Variants in ACOXL observed in about 807,000 individuals in gnomAD.
ACOXL encodes the protein acyl-coenzyme A oxidase-like protein.
In ACOXL, 70 loss-of-function variants were observed where a neutral mutation model predicts 71.9. The observed-to-expected ratio is 0.97, with a 90% confidence interval of 0.80 to 1.19. ACOXL has a LOEUF of 1.19. Ranked by LOEUF, ACOXL falls within the 50% of genes most tolerant of loss-of-function variation. The pLI is 0.00. For synonymous variants in ACOXL, 253 were observed against 281.6 expected, an observed-to-expected ratio of 0.90 and a Z score of 1.02; for missense variants, 703 against 736.3, an observed-to-expected ratio of 0.95 and a Z score of 0.52.
chr2:110,775,309 G>C (rs555341448), intron 2 of ACOXL, among the ~76,000 whole-genome samples: 1 of 152,106 alleles, frequency 6.6e-6, no homozygotes, highest in South Asian at 2.1e-4. Context: ...GAAAAACGTA[G>C]ATACATTTTT....
intron 12 of ACOXL, among the ~76,000 whole-genome samples, chr2:110,961,883 A>G (rs1241913167): frequency 6.6e-6 from 1 of 152,218 alleles, no homozygotes; most frequent in Non-Finnish European, 1.5e-5. Flanking sequence ...CTTATTCACT[A>G]CCATGAGAGC....
At chr2:111,033,850 T>C (rs1400597969) in intron 15 of ACOXL, among the ~76,000 whole-genome samples, 2 of 152,156 alleles carry the variant, frequency 1.3e-5, no homozygotes, top group African/African-American at 4.8e-5. Context: ...ACCACAGATA[T>C]CGCCCTTCCT....
intron 10 of ACOXL, among the ~76,000 whole-genome samples, chr2:110,892,500 C>T (rs897756411): frequency 3.3e-5 from 5 of 152,148 alleles, no homozygotes; most frequent in African/African-American, 1.2e-4. Flanking sequence ...GGCGCTCAAC[C>T]ACTGGGTCAC....
intron 17 of ACOXL, among the ~76,000 whole-genome samples, chr2:111,113,480 A>T (rs1386590527): frequency 6.6e-6 from 1 of 152,220 alleles, no homozygotes; most frequent in Non-Finnish European, 1.5e-5. Context: ...CTGGAGATAG[A>T]GCAGACTAAG....
chr2:110,937,396 T>TA (rs1395406243), intron 12 of ACOXL, among the ~76,000 whole-genome samples: 2 of 152,080 alleles, frequency 1.3e-5, no homozygotes, highest in Non-Finnish European at 2.9e-5. Flanking sequence ...ACTCAGGAAA[T>TA]AAAAAATGTT....
intron 12 of ACOXL, among the ~76,000 whole-genome samples, chr2:110,934,791 C>T (rs540843631): frequency 6.6e-6 from 1 of 152,184 alleles, no homozygotes; most frequent in South Asian, 2.1e-4. Flanking sequence ...GAAGATGTGT[C>T]CCTGATGATG....
At chr2:111,063,699 C>A (rs2066922520) in intron 16 of ACOXL, among the ~76,000 whole-genome samples, 1 of 152,010 alleles carries the variant, frequency 6.6e-6, no homozygotes, top group Non-Finnish European at 1.5e-5. Flanking sequence ...TGAATGCTGT[C>A]CCCCTAACAC....
At position 111,032,711 on chromosome 2, in the gene ACOXL, C is replaced by T. The variant is rs569927459; in HGVS notation, c.1369+997C>T. Among the ~76,000 whole-genome samples the T allele has an allele frequency of 2.0e-4, 31 of 152,200 alleles. No individual in the cohort carries two copies. The South Asian group carries it at 2.9e-3, about 14-fold the overall frequency. On this transcript the variant is annotated intron_variant, in intron 15 of 17. Transcript: ENST00000439055. ...TCTCATGGGATGGAGATGGGCTCCT[C>T]GGTGGGATCAGGGCAGGTATTATGG... is the stretch of plus-strand genomic sequence containing the variant.
intron 16 of ACOXL, among the ~76,000 whole-genome samples, chr2:111,075,600 T>G (rs1409435093): frequency 6.6e-6 from 1 of 152,066 alleles, no homozygotes; most frequent in East Asian, 1.9e-4. Flanking sequence ...ATTATTTATT[T>G]TCTTCCAGTT....
chr2:111,099,351 C>G (rs935209381), intron 17 of ACOXL: 1 of 152,224 alleles, frequency 6.6e-6, no homozygotes, highest in African/African-American at 2.4e-5. Context: ...GGTCCATATT[C>G]ATTCTTATAT....
chr2:110,860,967 C>T (rs777716126), intron 10 of ACOXL, among the ~76,000 whole-genome samples: 3 of 152,118 alleles, frequency 2.0e-5, no homozygotes, highest in Non-Finnish European at 1.5e-5. Context: ...CCTACAAGAG[C>T]TTCTAGGAGT....
intron 15 of ACOXL, among the ~76,000 whole-genome samples, chr2:111,046,446 A>T (rs1353820987): frequency 6.6e-6 from 1 of 152,222 alleles, no homozygotes; most frequent in Non-Finnish European, 1.5e-5. Context: ...TGGGTAATTT[A>T]TGAAGGAAAG....
intron 10 of ACOXL, among the ~76,000 whole-genome samples, chr2:110,892,092 T>C (rs1697990952): frequency 6.6e-6 from 1 of 152,202 alleles, no homozygotes; most frequent in Non-Finnish European, 1.5e-5. Context: ...AATACATTGT[T>C]AATTTTGGAA....
intron 5 of ACOXL, 101 bp from the exon 6 acceptor site, chr2:110,798,509 G>T (rs1440638625): frequency 1.1e-6 from 1 of 898,790 alleles, no homozygotes; most frequent in Admixed American, 1.8e-5. Context: ...ACCCACCTCG[G>T]CCCCCCAAAG....
intron 16 of ACOXL, among the ~76,000 whole-genome samples, chr2:111,080,864 A>C (rs1233506088): frequency 6.6e-6 from 1 of 152,240 alleles, no homozygotes; most frequent in Non-Finnish European, 1.5e-5. Context: ...AGGCTAGTTC[A>C]ACACATACAA....
chr2:110,941,185 G>A (rs1056154225), intron 12 of ACOXL, among the ~76,000 whole-genome samples: 1 of 152,140 alleles, frequency 6.6e-6, no homozygotes, highest in Non-Finnish European at 1.5e-5. Context: ...CTCTTTATGT[G>A]CAGAACAGTG....
chr2:110,772,792 A>T (rs919718632), intron 2 of ACOXL, among the ~76,000 whole-genome samples: 5 of 152,206 alleles, frequency 3.3e-5, no homozygotes, highest in Admixed American at 3.3e-4. Context: ...TGTGGAAAGT[A>T]TATGTCCAAC....
At chr2:110,922,258 G>T (rs948545314) in intron 11 of ACOXL, among the ~76,000 whole-genome samples, 1 of 152,086 alleles carries the variant, frequency 6.6e-6, no homozygotes, top group Non-Finnish European at 1.5e-5. Flanking sequence ...TAGCTTCCTA[G>T]CATGACCTGG....
At chr2:110,818,423 A>ATATGTG (rs1357904918) in intron 9 of ACOXL, among the ~76,000 whole-genome samples, 13 of 137,696 alleles carry the variant, frequency 9.4e-5, no homozygotes, top group African/African-American at 3.6e-4. Context: ...ATATATATAT[A>ATATGTG]TGTGTGTGTG....
Sources: allele counts gnomAD v4.1 joint callset (sites outside exome capture counted in the v4.1 genomes callset), GRCh38; gene constraint gnomAD v4.1.1; transcripts MANE v1.5; gene names NCBI Gene and HGNC (gene_info 2026-07-23, HGNC 2026-07-21).